Variants in ADCY2 observed in about 807,000 individuals in gnomAD.
The protein encoded by ADCY2 is adenylate cyclase type 2.
ADCY2 carries 31 observed loss-of-function variants against 125.2 expected under a neutral mutation model. That is an observed-to-expected ratio of 0.25 (90% CI 0.19 to 0.33). The LOEUF is 0.33. ADCY2 is among the 10% of genes least tolerant of loss of function. ADCY2 has a pLI of 1.00. For synonymous variants in ADCY2, 512 were observed against 548.4 expected (o/e 0.93, Z 0.93); for missense variants, 904 against 1,418.2 (o/e 0.64, Z 5.82).
chr5:7,504,916 AGGCTGGAATGGAGTACAGT>A lies in ADCY2; in HGVS notation c.409-15818_409-15800del, dbSNP rs548272552. Among the ~76,000 whole-genome samples, 4 of 152,194 alleles carry A rather than the reference AGGCTGGAATGGAGTACAGT, an allele frequency of 2.6e-5. No homozygotes were observed. The South Asian group carries it at 8.3e-4, about 32-fold the overall frequency. On this transcript the variant is annotated intron_variant, in intron 2 of 24. Transcript: ENST00000338316. ...AAGACAGGCTCTCATTTAGTCACCC[AGGCTGGAATGGAGTACAGT>A]GGCACCATCACAGCTTACTGCAGCC...
chr5:7,581,755 A>G, intron 3 of ADCY2, among the ~76,000 whole-genome samples: 1 of 149,822 alleles, frequency 6.7e-6, no homozygotes, highest in African/African-American at 2.5e-5. Context: ...TGGGAGGTGG[A>G]GCTTGCAGTG....
chr5:7,723,977 T>A (rs1741852822), intron 12 of ADCY2, among the ~76,000 whole-genome samples: 1 of 147,572 alleles, frequency 6.8e-6, no homozygotes. Context: ...AAGCATGACT[T>A]TTACCTTCTA....
chr5:7,821,546 G>A (rs1745301007), intron 24 of ADCY2, among the ~76,000 whole-genome samples: 4 of 152,288 alleles, frequency 2.6e-5, no homozygotes, highest in South Asian at 2.1e-4. Flanking sequence ...CTCCTCCCAC[G>A]TGCTGACTAG....
At chr5:7,735,729 A>G (rs1307174917) in intron 14 of ADCY2, among the ~76,000 whole-genome samples, 1 of 152,194 alleles carries the variant, frequency 6.6e-6, no homozygotes, top group Non-Finnish European at 1.5e-5. Flanking sequence ...CAATTGACTA[A>G]TATTTTGTTA....
At chr5:7,419,956 A>T (rs1393722188) in intron 2 of ADCY2, among the ~76,000 whole-genome samples, 1 of 152,194 alleles carries the variant, frequency 6.6e-6, no homozygotes. Context: ...ACGAAGGCAC[A>T]GGAGGGAGGC....
chr5:7,728,118 T>G (rs1741987666), intron 14 of ADCY2, among the ~76,000 whole-genome samples: 1 of 152,176 alleles, frequency 6.6e-6, no homozygotes, highest in Non-Finnish European at 1.5e-5. Flanking sequence ...ATTTTCAATC[T>G]AGTAGAATTC....
intron 2 of ADCY2, among the ~76,000 whole-genome samples, chr5:7,518,417 G>C (rs1197150583): frequency 6.6e-6 from 1 of 152,122 alleles, no homozygotes; most frequent in Non-Finnish European, 1.5e-5. Context: ...AACGGTCTAA[G>C]ACAATACTTT....
chr5:7,811,496 G>A (rs1288058165), intron 22 of ADCY2, among the ~76,000 whole-genome samples: 7 of 142,430 alleles, frequency 4.9e-5, no homozygotes, highest in Admixed American at 4.8e-4. Flanking sequence ...GCGAGACTCT[G>A]TCTCAAAAAA....
At chr5:7,474,910 A>G (rs1036802287) in intron 2 of ADCY2, among the ~76,000 whole-genome samples, 1 of 152,252 alleles carries the variant, frequency 6.6e-6, no homozygotes, top group Admixed American at 6.5e-5. Flanking sequence ...TGCAGCCCCC[A>G]GGCCAGCCAC....
chr5:7,502,246 C>T (rs2126505659), intron 2 of ADCY2, among the ~76,000 whole-genome samples: 1 of 152,308 alleles, frequency 6.6e-6, no homozygotes, highest in Admixed American at 6.5e-5. Context: ...GCACACTATG[C>T]TATTTACTTG....
At chr5:7,531,014 T>G (rs1342432014) in intron 3 of ADCY2, among the ~76,000 whole-genome samples, 1 of 152,166 alleles carries the variant, frequency 6.6e-6, no homozygotes, top group Non-Finnish European at 1.5e-5. Context: ...AGCAAGATAC[T>G]GGAAGCCTAC....
chr5:7,631,192 G>A (rs115474251), intron 4 of ADCY2, among the ~76,000 whole-genome samples: 8 of 151,944 alleles, frequency 5.3e-5, no homozygotes, highest in Non-Finnish European at 1.0e-4. Flanking sequence ...TGGACTAACC[G>A]GGCTAATCCA....
intron 3 of ADCY2, among the ~76,000 whole-genome samples, chr5:7,574,393 C>T (rs1031054135): frequency 6.6e-6 from 1 of 152,000 alleles, no homozygotes; most frequent in Non-Finnish European, 1.5e-5. Flanking sequence ...TAAAAGTGTT[C>T]CTATTTCTCC....
chr5:7,660,806 C>T (rs1339845300), intron 4 of ADCY2, among the ~76,000 whole-genome samples: 1 of 151,954 alleles, frequency 6.6e-6, no homozygotes, highest in Admixed American at 6.6e-5. Flanking sequence ...AATACTTTCA[C>T]AGTGACATCT....
chr5:7,445,509 G>A (rs1741210880), intron 2 of ADCY2, among the ~76,000 whole-genome samples: 1 of 152,056 alleles, frequency 6.6e-6, no homozygotes, highest in Admixed American at 6.5e-5. Context: ...CCTACCCTCA[G>A]AAAAAAATTA....
chr5:7,507,848 A>G lies in ADCY2; in HGVS notation c.409-12890A>G, dbSNP rs956807136. On this transcript the variant is annotated intron_variant, in intron 2 of 24. Transcript: ENST00000338316. ...GAATAATGTTCGACTTCAGCAGATC[A>G]TGGCCTCTTTTTATGTTGCCTTATG... Among the ~76,000 whole-genome samples the G allele has an allele frequency of 2.0e-5, 3 of 152,148 alleles. No individual in the cohort carries two copies. In the South Asian group the frequency reaches 6.2e-4, roughly 32 times the overall value.
At chr5:7,603,417 G>A (rs970324) in intron 3 of ADCY2, among the ~76,000 whole-genome samples, 1 of 152,022 alleles carries the variant, frequency 6.6e-6, no homozygotes, top group Non-Finnish European at 1.5e-5. Flanking sequence ...GCATCTCCTC[G>A]AATGCCAGAA....
chr5:7,665,745 G>A (rs148700701), intron 4 of ADCY2, among the ~76,000 whole-genome samples: 26 of 151,032 alleles, frequency 1.7e-4, no homozygotes, highest in African/African-American at 5.6e-4. Context: ...GCTGCTGCCC[G>A]GCCACATCTC....
chr5:7,828,883 T>C lies in ADCY2; in HGVS notation c.*2012T>C, dbSNP rs1221957593. On this transcript the variant is annotated 3_prime_UTR_variant, in exon 25 of 25. Coordinates refer to ENST00000338316, the MANE Select transcript of ADCY2 (RefSeq NM_020546.3). ...GTCACCTTAGTTCACCTACCCTGAG[T>C]GAACACCCCCAGCTGGGTGGTCCAC... 6.6e-6 allele frequency: 1 copy of C among 152,266 alleles called. No homozygotes were observed. Among genetic ancestry groups the C allele is most frequent in the Admixed American group, 6.5e-5 (1 of 15,272 alleles). 9.4% of individuals were successfully genotyped at this position (152,266 alleles called of 1,614,324 possible).
Sources: gnomAD v4.1 joint callset for allele counts (sites outside exome capture counted in the v4.1 genomes callset) on GRCh38, gnomAD v4.1.1 for gene constraint, MANE v1.5 for transcripts, NCBI Gene and HGNC (gene_info 2026-07-23, HGNC 2026-07-21) for gene names.